The following NFATC2 variants were observed in gnomAD, a reference collection of about 807,000 sequenced individuals.
NFATC2 encodes nuclear factor of activated T-cells, cytoplasmic 2.
In NFATC2, 22 loss-of-function variants were observed where a neutral mutation model predicts 87.3. The ratio of observed to expected loss-of-function variants is 0.25; its 90% CI spans 0.18 to 0.36. The LOEUF (loss-of-function observed/expected upper bound fraction) is 0.36. Ranked by LOEUF, NFATC2 falls within the 10% of genes least tolerant of loss-of-function variation. The pLI is 1.00. For missense variants in NFATC2, 1,149 were observed against 1,259.1 expected, an observed-to-expected ratio of 0.91 and a Z score of 1.32; for synonymous variants, 565 against 542.2, an observed-to-expected ratio of 1.04 and a Z score of -0.58.
rs565717785 is a variant in NFATC2, at chr20:51,388,125, G to A, written c.*3371C>T. 3 of 152,272 alleles carry A rather than the reference G, an allele frequency of 2.0e-5. No individual in the cohort carries two copies. The highest frequency in any genetic ancestry group is 4.2e-4 in the South Asian group (2 of 4,814). 9.4% of individuals were successfully genotyped at this position (152,272 alleles called of 1,614,324 possible). On this transcript the variant is annotated 3_prime_UTR_variant, in exon 11 of 11. Coordinates refer to ENST00000371564, the MANE Select transcript of NFATC2 (RefSeq NM_012340.5). ...AAAGCATACAGGAGTTATCTACCAG[G>A]ATTTAGATTTGGTCCCTTCTGTAAA... is the stretch of plus-strand genomic sequence containing the variant.
At chr20:51,543,929 C>T (rs1354512297), upstream of NFATC2, among the ~76,000 whole-genome samples, 3 of 150,604 alleles carry the variant, frequency 2.0e-5, no homozygotes, top group Non-Finnish European at 2.9e-5. Context: ...CCTTTTTAAA[C>T]TCCCGTGCTG....
intron 9 of NFATC2, among the ~76,000 whole-genome samples, chr20:51,424,744 A>G (rs1981501368): frequency 6.6e-6 from 1 of 152,180 alleles, no homozygotes; most frequent in Non-Finnish European, 1.5e-5. Context: ...AGCAAGTGAT[A>G]CGGAAGTTTC....
intron 3 of NFATC2, among the ~76,000 whole-genome samples, chr20:51,494,990 A>T (rs972889854): frequency 1.3e-5 from 2 of 152,198 alleles, no homozygotes; most frequent in Non-Finnish European, 2.9e-5. Context: ...ACCCAATCCC[A>T]ACATGGGCAT....
At chr20:51,477,734 G>A (rs552742828) in intron 3 of NFATC2, among the ~76,000 whole-genome samples, 6 of 151,590 alleles carry the variant, frequency 4.0e-5, no homozygotes, top group South Asian at 2.1e-4. Context: ...GACAACTCAC[G>A]AAGACCCCAC....
At chr20:51,448,128 C>T (rs1370874488) in intron 6 of NFATC2, among the ~76,000 whole-genome samples, 2 of 152,146 alleles carry the variant, frequency 1.3e-5, no homozygotes, top group Non-Finnish European at 2.9e-5. Context: ...AACTAAGAGT[C>T]CAGCATGAGA....
At chr20:51,543,228 C>G (rs990004520), upstream of NFATC2, among the ~76,000 whole-genome samples, 2 of 152,196 alleles carry the variant, frequency 1.3e-5, no homozygotes. Flanking sequence ...GCACTAGTCC[C>G]CCCCGTTACA....
chr20:51,559,890 C>T (rs928086052), intron 1 of NFATC2, among the ~76,000 whole-genome samples: 8 of 152,186 alleles, frequency 5.3e-5, no homozygotes, highest in South Asian at 4.1e-4. Context: ...ATACGATGCT[C>T]TTGACAATCC....
chr20:51,395,747 T>TGTC (rs1568921273), intron 10 of NFATC2, among the ~76,000 whole-genome samples: 11 of 152,146 alleles, frequency 7.2e-5, no homozygotes, highest in Admixed American at 2.0e-4. Context: ...CAAAGTCATT[T>TGTC]ATATATAAAG....
At chr20:51,435,429 C>T (rs531238133) in intron 7 of NFATC2, 115 bp from the exon 8 acceptor site, 40 of 1,442,108 alleles carry the variant, frequency 2.8e-5, no homozygotes, top group Middle Eastern at 1.8e-4. Context: ...TGCCTTTCAT[C>T]GGTTTACAGG....
rs1481206128 is a variant in NFATC2, at chr20:51,534,452, A to C, written c.130+7918T>G. Among the ~76,000 whole-genome samples the C allele has an allele frequency of 2.6e-5, 4 of 152,176 alleles. 1 individual carries two copies. The highest frequency in any genetic ancestry group is 2.6e-4 in the Admixed American group (4 of 15,282). ...AGGGTTCAAGCAATTCTCCTGCCTC[A>C]GCCTCCCTAGTAGCTGGAATTACAG... On this transcript the variant is annotated intron_variant, in intron 1 of 10. Transcript: ENST00000371564.
At chr20:51,468,298 T>C (rs1421860568) in intron 5 of NFATC2, among the ~76,000 whole-genome samples, 1 of 115,774 alleles carries the variant, frequency 8.6e-6, no homozygotes, top group Non-Finnish European at 1.8e-5. Flanking sequence ...GCAATCTACT[T>C]TATCTTAATT....
intron 2 of NFATC2, among the ~76,000 whole-genome samples, chr20:51,522,252 A>G (rs2076457299): frequency 7.5e-6 from 1 of 133,450 alleles, no homozygotes. Flanking sequence ...GAGTAAACCA[A>G]GACCACAAAG....
chr20:51,458,556 T>C (rs1413072410), intron 5 of NFATC2, among the ~76,000 whole-genome samples: 1 of 151,122 alleles, frequency 6.6e-6, no homozygotes, highest in Non-Finnish European at 1.5e-5. Context: ...CCTAGCACTT[T>C]GGGAGGCTGA....
intron 5 of NFATC2, among the ~76,000 whole-genome samples, chr20:51,463,225 T>C (rs548522090): frequency 2.2e-4 from 34 of 152,286 alleles, no homozygotes; most frequent in South Asian, 4.1e-4. Context: ...CCCTGGGAAG[T>C]GGGAGAGTGG....
chr20:51,435,512 G>C (rs978603127), intron 7 of NFATC2, among the ~76,000 whole-genome samples, 194 bp downstream of exon 7: 5 of 152,114 alleles, frequency 3.3e-5, no homozygotes, highest in African/African-American at 1.2e-4. Flanking sequence ...ATATAATAAG[G>C]TGTCACAGTT....
chr20:51,449,111 G>A (rs228836), intron 6 of NFATC2, among the ~76,000 whole-genome samples: 75,049 of 151,954 alleles, frequency 0.49, 20,691 homozygotes, highest in South Asian at 0.62. Context: ...AGCCCAGGAG[G>A]CTGTCACCTT....
Position 51,524,022 on chromosome 20 carries a change from G to A in NFATC2, c.219C>T (p.Ser73=). 1 of 1,554,520 alleles carries A rather than the reference G, an allele frequency of 6.4e-7. No homozygotes were observed. The highest frequency in any genetic ancestry group is 8.7e-7 in the Non-Finnish European group (1 of 1,155,214). The part of the protein sequence containing the change: ...DVLDYGLKPY[S]PLASLSGEPP... ...GCTCGCCAGAGAGACTAGCAAGGGG[G>A]CTGTATGGCTTGAGGCCATAGTCCA... The change falls in exon 2 of 11, where the codon AGC becomes AGT. Residue 73 remains serine, a synonymous_variant. Coordinates refer to ENST00000371564, the MANE Select transcript of NFATC2 (RefSeq NM_012340.5). The surrounding 1 kb of genome is among the most constrained non-coding windows in gnomAD (Gnocchi z 4.0).
In NFATC2 at chr20:51,523,167, G is replaced by C. The variant is rs2076477498; in HGVS notation, c.1074C>G (p.Gly358=). ...ATTCTGGAGCCGAGTTTCTCCTCTCGCCCTGCTCGCAGGGCCCCAGGAACT... is the reference window on the plus strand; with the variant it reads ...ATTCTGGAGCCGAGTTTCTCCTCTCCCCCTGCTCGCAGGGCCCCAGGAACT... ...AVEFLGPCEQ[G]ERRNSAPESI... Residue 358 remains glycine, a synonymous_variant, in exon 2 of 11, where the codon GGC becomes GGG. Transcript: ENST00000371564. This position sits in a 1 kb window ranked among gnomAD's most constrained non-coding sequence, Gnocchi z 6.9. The C allele has an allele frequency of 6.2e-7, 1 of 1,614,080 alleles. No homozygotes were observed. The highest frequency in any genetic ancestry group is 1.3e-5 in the African/African-American group (1 of 74,942).
intron 1 of NFATC2, among the ~76,000 whole-genome samples, chr20:51,532,795 T>C (rs1044139512): frequency 2.6e-5 from 4 of 152,134 alleles, no homozygotes; most frequent in East Asian, 1.9e-4. Context: ...ATGACCAAAA[T>C]AGAAACCCAG....
Sources: gnomAD v4.1 joint callset for allele counts (sites outside exome capture counted in the v4.1 genomes callset) on GRCh38, gnomAD v4.1.1 for gene constraint, Gnocchi (gnomAD v3.1) non-coding constraint, MANE v1.5 for transcripts, NCBI Gene and HGNC (gene_info 2026-07-23, HGNC 2026-07-21) for gene names.